The following TUSC3 variants were observed in gnomAD, a reference collection of about 807,000 sequenced individuals.
TUSC3 encodes dolichyl-diphosphooligosaccharide--protein glycosyltransferase subunit TUSC3.
Under a neutral mutation model 44.8 loss-of-function variants are expected in TUSC3, and 45 were observed. The ratio of observed to expected loss-of-function variants is 1.00; its 90% confidence interval spans 0.79 to 1.29. The LOEUF (loss-of-function observed/expected upper bound fraction) is 1.29, where lower values mean the gene tolerates loss of function less well. TUSC3 is among the 50% of genes most tolerant of loss of function. The pLI is 0.00. For missense variants in TUSC3, 519 were observed against 437.9 expected (o/e 1.19, Z -1.65); for synonymous variants, 212 against 152.9 (o/e 1.39, Z -2.85).
chr8:15,752,562 C>T (rs918659380), intron 9 of TUSC3, among the ~76,000 whole-genome samples: 1 of 152,024 alleles, frequency 6.6e-6, no homozygotes, highest in African/African-American at 2.4e-5. Flanking sequence ...TCATAGTGTT[C>T]TGGTATTTTA....
intron 2 of TUSC3, among the ~76,000 whole-genome samples, chr8:15,493,682 G>T (rs1444755142): frequency 6.6e-6 from 1 of 152,030 alleles, no homozygotes; most frequent in African/African-American, 2.4e-5. Flanking sequence ...CTGCCCTTAG[G>T]GAATGAACTA....
At chr8:15,658,427 T>A (rs146989145) in intron 3 of TUSC3, among the ~76,000 whole-genome samples, 1 of 152,124 alleles carries the variant, frequency 6.6e-6, no homozygotes, top group Non-Finnish European at 1.5e-5. Flanking sequence ...TTTGTTGTTA[T>A]GGGCAGCTAA....
chr8:15,716,598 A>G (rs1810070925), intron 6 of TUSC3, among the ~76,000 whole-genome samples: 1 of 152,174 alleles, frequency 6.6e-6, no homozygotes, highest in Non-Finnish European at 1.5e-5. Flanking sequence ...TAATGACGAA[A>G]TATACTTTGA....
chr8:15,793,685 G>C, the TUSC3 span, among the ~76,000 whole-genome samples: 2 of 152,190 alleles, frequency 1.3e-5, no homozygotes, highest in African/African-American at 4.8e-5. Flanking sequence ...TAAGTTCCAT[G>C]AGGGCAGGAT....
chr8:15,553,582 C>G lies in TUSC3; in HGVS notation c.138+13014C>G, dbSNP rs777314336. The stretch of plus-strand genomic sequence containing the variant: ...GAGGTCAAAAGTGATAAATGTTGAC[C>G]ACTGAGAGGTTAAATAACAACTGAA... On this transcript the variant is annotated intron_variant, in intron 1 of 10. Transcript: ENST00000503731. Among the ~76,000 whole-genome samples the G allele has an allele frequency of 4.0e-5, 6 of 151,182 alleles. 2 individuals are homozygous for G. Among genetic ancestry groups the G allele is most frequent in the Non-Finnish European group, 8.9e-5 (6 of 67,720 alleles).
chr8:15,467,238 A>G (rs1208513679), intron 1 of TUSC3, among the ~76,000 whole-genome samples: 9 of 150,204 alleles, frequency 6.0e-5, no homozygotes, highest in Non-Finnish European at 8.9e-5. Context: ...TTCATTATCT[A>G]CTGTCATTCA....
chr8:15,576,671 A>G (rs905641992), intron 1 of TUSC3, among the ~76,000 whole-genome samples: 4 of 137,218 alleles, frequency 2.9e-5, no homozygotes, highest in African/African-American at 1.2e-4. Flanking sequence ...ATAGTATTCC[A>G]TGGTGTATAT....
Position 15,764,405 on chromosome 8 carries a change from A to G in TUSC3, c.*249A>G. 1 of 577,352 alleles carries G rather than the reference A, an allele frequency of 1.7e-6. No homozygotes were observed. The highest frequency in any genetic ancestry group is 3.1e-5 in the Admixed American group (1 of 31,842). The allele number at this position is 577,352 out of a possible 1,614,324, so 35.8% of individuals were successfully genotyped here. ...CAATGGTAGCATTTAGTAATCTACA[A>G]AGGAAATATCAAAGTGTTTTTCAAG... On this transcript the variant is annotated 3_prime_UTR_variant, in exon 11 of 11. Coordinates refer to ENST00000503731, the MANE Select transcript of TUSC3 (RefSeq NM_006765.4).
At chr8:15,518,276 T>C (rs777283181) in intron 2 of TUSC3, among the ~76,000 whole-genome samples, 1 of 152,152 alleles carries the variant, frequency 6.6e-6, no homozygotes, top group African/African-American at 2.4e-5. Flanking sequence ...TTCATCAAAA[T>C]GCCATGTGTT....
At chr8:15,605,628 A>T (rs971146347) in intron 1 of TUSC3, among the ~76,000 whole-genome samples, 1 of 151,950 alleles carries the variant, frequency 6.6e-6, no homozygotes, top group Non-Finnish European at 1.5e-5. Context: ...TGGAGAAAAA[A>T]GTCTGTCAAG....
chr8:15,480,383 G>T (rs1465456007), intron 1 of TUSC3, among the ~76,000 whole-genome samples: 1 of 152,254 alleles, frequency 6.6e-6, no homozygotes, highest in Middle Eastern at 3.4e-3. Context: ...TGCTATACTT[G>T]ACTTTTCCTG....
chr8:15,813,420 C>T, the TUSC3 span, among the ~76,000 whole-genome samples: 152 of 149,030 alleles, frequency 1.0e-3, 1 homozygote, highest in East Asian at 0.026. Context: ...CTGTCTCTGC[C>T]ATCTCTGGGG....
At chr8:15,460,521 A>G (rs1018853590) in intron 1 of TUSC3, among the ~76,000 whole-genome samples, 1 of 152,122 alleles carries the variant, frequency 6.6e-6, no homozygotes, top group African/African-American at 2.4e-5. Flanking sequence ...TTTGCCGTGC[A>G]AAACTCTTTA....
chr8:15,687,514 C>T (rs538918927), intron 6 of TUSC3, among the ~76,000 whole-genome samples: 1 of 152,304 alleles, frequency 6.6e-6, no homozygotes, highest in African/African-American at 2.4e-5. Flanking sequence ...ACTCCATCTT[C>T]AGCATCTGTT....
At chr8:15,482,808 T>C (rs10108742) in intron 1 of TUSC3, among the ~76,000 whole-genome samples, 84,542 of 152,060 alleles carry the variant, frequency 0.56, 24,495 homozygotes, top group African/African-American at 0.72. Context: ...AAAAATCCAG[T>C]AAACATACAA....
chr8:15,659,588 A>G lies in TUSC3; in HGVS notation c.508A>G (p.Arg170Gly). The stretch of plus-strand genomic sequence containing the variant: ...GAGAGCTGATACTTTTGACCTCCAA[A>G]GAATTGGATTTGCAGCTGAGCAACT... The part of the protein sequence containing the change: ...PKRADTFDLQ[R>G]IGFAAEQLAK... Residue 170 changes from arginine to glycine, a missense_variant, in exon 4 of 11, where the codon AGA becomes GGA. Arg to Gly is a moderately radical substitution (Grantham distance 125). Transcript: ENST00000503731. The G allele has an allele frequency of 1.2e-6, 2 of 1,613,534 alleles. No individual in the cohort carries two copies. Among genetic ancestry groups the G allele is most frequent in the Non-Finnish European group, 1.7e-6 (2 of 1,179,716 alleles).
intron 6 of TUSC3, among the ~76,000 whole-genome samples, chr8:15,721,052 A>G (rs1427081224): frequency 3.3e-5 from 5 of 152,152 alleles, no homozygotes; most frequent in African/African-American, 9.6e-5. Flanking sequence ...TATGCTTCGA[A>G]GAAGACAATG....
At chr8:15,819,387 G>A in the TUSC3 span, among the ~76,000 whole-genome samples, 1 of 15,864 alleles carries the variant, frequency 6.3e-5, no homozygotes, top group Non-Finnish European at 2.2e-4. Context: ...TGGTTTTATT[G>A]AATTTTCTAT....
chr8:15,798,993 G>C, the TUSC3 span, among the ~76,000 whole-genome samples: 1 of 152,168 alleles, frequency 6.6e-6, no homozygotes, highest in Non-Finnish European at 1.5e-5. Flanking sequence ...GGAGCAGTAA[G>C]ACCAGAATAC....
Sources: allele counts gnomAD v4.1 joint callset (sites outside exome capture counted in the v4.1 genomes callset), GRCh38; gene constraint gnomAD v4.1.1; transcripts MANE v1.5; gene names NCBI Gene and HGNC (gene_info 2026-07-23, HGNC 2026-07-21).